ABL1: variants seen among roughly 807,000 people sequenced by gnomAD.
ABL1 encodes the protein ABL proto-oncogene 1, non-receptor tyrosine kinase.
Under a neutral mutation model 94.7 loss-of-function variants are expected in ABL1, and 11 were observed. The observed-to-expected ratio is 0.12, with a 90% CI of 0.07 to 0.19. The LOEUF (loss-of-function observed/expected upper bound fraction) is 0.19. Among genes scored for constraint, ABL1 ranks in the 10% least tolerant of loss-of-function variants. The pLI is 1.00. For synonymous variants in ABL1, 656 were observed against 622.4 expected (o/e 1.05, Z -0.80); for missense variants, 1,082 against 1,489.4 (o/e 0.73, Z 4.50).
intron 1 of ABL1, among the ~76,000 whole-genome samples, chr9:130,776,529 A>G (rs1176635699): frequency 6.6e-6 from 1 of 151,756 alleles, no homozygotes; most frequent in Non-Finnish European, 1.5e-5. Flanking sequence ...GTGACCAGAG[A>G]TCGTGCTACT....
Position 130,821,220 on chromosome 9 carries a change from G to A in ABL1, c.137-32844G>A, listed in dbSNP as rs372519004. Among the ~76,000 whole-genome samples the A allele has an allele frequency of 3.1e-3, 468 of 152,002 alleles. 2 individuals carry two copies. The highest frequency in any genetic ancestry group is 4.7e-3 in the Non-Finnish European group (317 of 67,932). On this transcript the variant is annotated intron_variant, in intron 1 of 10. Transcript: ENST00000372348. ...GCTGGGATTACAGGCGTGAGCCACCGCACCTGGCCCCACAATCCAGTTTTA... is the reference window on the plus strand; with the variant it reads ...GCTGGGATTACAGGCGTGAGCCACCACACCTGGCCCCACAATCCAGTTTTA...
intron 1 of ABL1, among the ~76,000 whole-genome samples, chr9:130,716,246 CACTGA>C (rs920858183): frequency 3.3e-5 from 5 of 151,938 alleles, no homozygotes; most frequent in Admixed American, 1.3e-4. Context: ...AGGCACGCGT[CACTGA>C]CGCCCGGCTA....
intron 1 of ABL1, among the ~76,000 whole-genome samples, chr9:130,812,844 T>G (rs535507985): frequency 6.6e-6 from 1 of 152,370 alleles, no homozygotes; most frequent in African/African-American, 2.4e-5. Context: ...ATTCGACCCC[T>G]AAACAGCAGA....
intron 1 of ABL1, among the ~76,000 whole-genome samples, chr9:130,744,871 A>AAAC (rs1409570339): frequency 7.3e-5 from 11 of 151,666 alleles, no homozygotes; most frequent in Middle Eastern, 3.4e-3. Context: ...AAAAAAAAAA[A>AAAC]AACAAAACTA....
intron 1 of ABL1, among the ~76,000 whole-genome samples, chr9:130,746,384 A>G (rs1311233824): frequency 6.6e-6 from 1 of 151,976 alleles, no homozygotes; most frequent in Non-Finnish European, 1.5e-5. Context: ...TATAACTACC[A>G]TCGCCACCAC....
chr9:130,820,596 A>G (rs1277486287), intron 1 of ABL1, among the ~76,000 whole-genome samples: 1 of 152,172 alleles, frequency 6.6e-6, no homozygotes, highest in Non-Finnish European at 1.5e-5. Context: ...GTTGGGTGGA[A>G]TCATTTCAGG....
intron 1 of ABL1, among the ~76,000 whole-genome samples, chr9:130,808,313 G>A (rs1202277813): frequency 4.8e-5 from 7 of 147,068 alleles, no homozygotes; most frequent in African/African-American, 1.0e-4. Context: ...GCACAATCTC[G>A]GCTCACTGCA....
rs1423422276 is a variant in ABL1, at chr9:130,854,090, G to A, written c.106G>A (p.Asp36Asn). 2 of 1,613,764 alleles carry A rather than the reference G, an allele frequency of 1.2e-6. No individual in the cohort carries two copies. The highest frequency in any genetic ancestry group is 1.3e-5 in the African/African-American group (1 of 74,878). Residue 36 changes from aspartate (D) to asparagine (N), a missense_variant, in exon 2 of 11, where the codon GAC (aspartate) becomes AAC (asparagine). Asp to Asn is a conservative substitution (Grantham distance 23). Around this residue, in one of 7 missense-constraint regions of ABL1, gnomAD observed 65 missense variants for 80.8 expected, o/e 0.80. Transcript: ENST00000318560. The stretch of plus-strand genomic sequence containing the variant: ...AGCCCTTCAGCGGCCAGTAGCATCT[G>A]ACTTTGAGCCTCAGGGTCTGAGTGA... ...EEALQRPVASDFEPQGLSEAA... is the reference protein window; with the variant it reads ...EEALQRPVASNFEPQGLSEAA...
Position 130,778,962 on chromosome 9 carries a change from T to C in ABL1, c.136+64507T>C, listed in dbSNP as rs36067268. 4.1e-3 allele frequency among the ~76,000 whole-genome samples: 623 copies of C among 152,298 alleles called. 6 individuals carry two copies. Among genetic ancestry groups the C allele is most frequent in the African/African-American group, 0.014 (593 of 41,542 alleles). On this transcript the variant is annotated intron_variant, in intron 1 of 10. Transcript: ENST00000372348. ...GAATTGTTTAAAAGTCCCTTGTATTTTGCAGTTTTTTCATTTTCTCCTTGA... is the reference window on the plus strand; with the variant it reads ...GAATTGTTTAAAAGTCCCTTGTATTCTGCAGTTTTTTCATTTTCTCCTTGA...
rs528393728 is a variant in ABL1 at position 130,784,729 on chromosome 9, TC to T, written c.137-69333del. On this transcript the variant is annotated intron_variant, in intron 1 of 10. Transcript: ENST00000372348. ...TGTCTCCATCAGGGCCAGGGAACTG[TC>T]CTTGCTTCCTTTTGGTACATTCACC... is the stretch of plus-strand genomic sequence containing the variant. 7.9e-5 allele frequency among the ~76,000 whole-genome samples: 12 copies of T among 152,346 alleles called. No homozygotes were observed. In the South Asian group the frequency reaches 2.1e-3, roughly 26 times the overall value.
chr9:130,725,716 G>A (rs976495513), intron 1 of ABL1, among the ~76,000 whole-genome samples: 3 of 151,052 alleles, frequency 2.0e-5, no homozygotes, highest in Non-Finnish European at 4.4e-5. Context: ...CTGTTGTTAC[G>A]TGTATCAGAA....
chr9:130,825,686 AATT>A (rs1370581826), intron 1 of ABL1, among the ~76,000 whole-genome samples: 1 of 152,248 alleles, frequency 6.6e-6, no homozygotes, highest in Admixed American at 6.5e-5. Flanking sequence ...AGTGATTTAA[AATT>A]ATTTGGTAAA....
At chr9:130,804,138 C>T (rs1258273221) in intron 1 of ABL1, among the ~76,000 whole-genome samples, 4 of 151,936 alleles carry the variant, frequency 2.6e-5, no homozygotes, top group East Asian at 1.9e-4. Flanking sequence ...GGGTGGATCA[C>T]GAGATCAGGA....
At chr9:130,766,132 C>T (rs193064657) in intron 1 of ABL1, among the ~76,000 whole-genome samples, 31 of 152,314 alleles carry the variant, frequency 2.0e-4, no homozygotes, top group Admixed American at 1.4e-3. Flanking sequence ...GTGAGGGCCC[C>T]GGGCCGTGGC....
chr9:130,840,393 A>G (rs1450381178), intron 1 of ABL1, among the ~76,000 whole-genome samples: 1 of 152,216 alleles, frequency 6.6e-6, no homozygotes, highest in Admixed American at 6.5e-5. Flanking sequence ...CAGAGACAAT[A>G]TTTCCACAGC....
At chr9:130,812,257 A>C (rs1830220097) in intron 1 of ABL1, among the ~76,000 whole-genome samples, 2 of 150,966 alleles carry the variant, frequency 1.3e-5, no homozygotes, top group South Asian at 4.2e-4. Flanking sequence ...TCCACTCAGG[A>C]GGCTACGGTG....
chr9:130,810,910 G>C (rs1830201096), intron 1 of ABL1, among the ~76,000 whole-genome samples: 1 of 152,012 alleles, frequency 6.6e-6, no homozygotes, highest in South Asian at 2.1e-4. Context: ...GGTTTAAAAT[G>C]GCCAAAGAAA....
intron 1 of ABL1, among the ~76,000 whole-genome samples, chr9:130,807,668 T>TTA (rs35665086): frequency 0.032 from 3,619 of 113,116 alleles, 73 homozygotes; most frequent in African/African-American, 0.049. Flanking sequence ...TTCCTTAATT[T>TTA]TATATATATA....
At chr9:130,788,229 A>C (rs1829856914) in intron 1 of ABL1, among the ~76,000 whole-genome samples, 1 of 152,248 alleles carries the variant, frequency 6.6e-6, no homozygotes, top group African/African-American at 2.4e-5. Flanking sequence ...AAACTTACAG[A>C]AAATTTACAA....
Sources: allele counts gnomAD v4.1 joint callset (sites outside exome capture counted in the v4.1 genomes callset), GRCh38; gene constraint gnomAD v4.1.1; regional missense constraint gnomAD v4.1.1; transcripts MANE v1.5; gene names NCBI Gene and HGNC (gene_info 2026-07-23, HGNC 2026-07-21).